The following PEX7 variants were observed in gnomAD, a reference collection of about 807,000 sequenced individuals.
PEX7 encodes the protein peroxisomal biogenesis factor 7.
A neutral mutation model predicts 47.5 loss-of-function variants in PEX7; 34 were observed. The observed-to-expected ratio is 0.72, with a 90% CI of 0.54 to 0.95. The LOEUF is 0.95. Ranked by LOEUF, PEX7 falls within the 40% of genes least tolerant of loss-of-function variation. The pLI, the probability that PEX7 is intolerant of heterozygous loss-of-function variation, is 0.00. For synonymous variants in PEX7, 141 were observed against 148.8 expected (o/e 0.95, Z 0.38); for missense variants, 394 against 400.3 (o/e 0.98, Z 0.13).
chr6:136,826,607 A>G (rs1392115455), intron 3 of PEX7, 138 bp downstream of exon 3: 5 of 996,086 alleles, frequency 5.0e-6, no homozygotes, highest in Non-Finnish European at 7.6e-6. Context: ...ACTAGATGTC[A>G]CTTATTATTT....
intron 9 of PEX7, among the ~76,000 whole-genome samples, chr6:136,904,663 C>CATGTAAGAT (rs1298852156): frequency 2.5e-4 from 38 of 149,938 alleles, no homozygotes; most frequent in African/African-American, 9.4e-4. Context: ...TGCTGCCATC[C>CATGTAAGAT]ATGTAAGATG....
intron 8 of PEX7, among the ~76,000 whole-genome samples, chr6:136,880,253 G>A (rs549878445): frequency 8.5e-5 from 13 of 152,230 alleles, no homozygotes; most frequent in African/African-American, 3.1e-4. Context: ...GGACAGGGTT[G>A]ATGGTTTGAG....
intron 3 of PEX7, among the ~76,000 whole-genome samples, chr6:136,831,811 C>T (rs1451272108): frequency 1.3e-5 from 2 of 152,250 alleles, no homozygotes; most frequent in Non-Finnish European, 2.9e-5. Context: ...ATCTCACATC[C>T]AAGGGGTAGG....
chr6:136,840,665 A>G (rs1450542985), intron 3 of PEX7, among the ~76,000 whole-genome samples: 2 of 152,230 alleles, frequency 1.3e-5, no homozygotes, highest in African/African-American at 2.4e-5. Flanking sequence ...TTATAATCTA[A>G]GTGGTAACTT....
chr6:136,902,378 TC>T, intron 9 of PEX7, among the ~76,000 whole-genome samples: 1 of 152,338 alleles, frequency 6.6e-6, no homozygotes, highest in East Asian at 1.9e-4. Flanking sequence ...TTTTAGCTTC[TC>T]CTTTCTTAGA....
intron 5 of PEX7, among the ~76,000 whole-genome samples, chr6:136,854,203 A>G (rs941085700): frequency 2.0e-5 from 3 of 151,884 alleles, no homozygotes. Context: ...TTATGTTTTT[A>G]TTATTATTAT....
chr6:136,823,890 CAA>C (rs954393146), intron 1 of PEX7, among the ~76,000 whole-genome samples: 6 of 151,708 alleles, frequency 4.0e-5, no homozygotes, highest in African/African-American at 1.5e-4. Flanking sequence ...AACTCCGTCT[CAA>C]AAAAAAGAGT....
At chr6:136,908,018 C>T (rs368108076) in intron 9 of PEX7, among the ~76,000 whole-genome samples, 15 of 152,136 alleles carry the variant, frequency 9.9e-5, no homozygotes, top group African/African-American at 3.6e-4. Context: ...AGCATTTAGT[C>T]CAGTATTTTG....
chr6:136,913,576 A>C lies in PEX7; in HGVS notation c.*50A>C. On this transcript the variant is annotated 3_prime_UTR_variant, in exon 10 of 10. Coordinates refer to ENST00000318471, the MANE Select transcript of PEX7 (RefSeq NM_000288.4). The stretch of plus-strand genomic sequence containing the variant: ...GAGGATGTTGGCTGAAGAACTGCCT[A>C]ACAGCAAATAAATTAACTATGGAAA... 8.9e-7 allele frequency: 1 copy of C among 1,119,410 alleles called. No individual in the cohort carries two copies. The highest frequency in any genetic ancestry group is 1.4e-6 in the Non-Finnish European group (1 of 729,494). The allele number at this position is 1,119,410 out of a possible 1,614,324, so 69.3% of individuals were successfully genotyped here.
At position 136,822,907 on chromosome 6, in the gene PEX7, C is replaced by T. The variant is rs1291519160; in HGVS notation, c.130+112C>T. On this transcript the variant is annotated intron_variant, in intron 1 of 9. Coordinates refer to ENST00000318471, the MANE Select transcript of PEX7 (RefSeq NM_000288.4). ...GCCCCTCTGAGCGTAGACGGTTCCGCGGGTCCACGCCAGGGGGCAGAAGAG... is the reference window on the plus strand; with the variant it reads ...GCCCCTCTGAGCGTAGACGGTTCCGTGGGTCCACGCCAGGGGGCAGAAGAG... 7 of 1,214,650 alleles carry T rather than the reference C, an allele frequency of 5.8e-6. No homozygotes were observed. In the East Asian group the frequency reaches 1.4e-4, roughly 25 times the overall value. 75.2% of individuals were successfully genotyped at this position (1,214,650 alleles called of 1,614,324 possible). A position where few individuals can be genotyped will look rare whatever the true frequency, so the allele number is the denominator to read the frequency against.
intron 3 of PEX7, among the ~76,000 whole-genome samples, chr6:136,839,425 T>C (rs1385208192): frequency 6.6e-6 from 1 of 152,210 alleles, no homozygotes; most frequent in East Asian, 1.9e-4. Flanking sequence ...TAATAAAATT[T>C]GTCCTCTCAA....
intron 9 of PEX7, among the ~76,000 whole-genome samples, chr6:136,912,115 T>G (rs1223700122): frequency 1.3e-5 from 2 of 152,220 alleles, no homozygotes; most frequent in African/African-American, 2.4e-5. Flanking sequence ...TTGAGTTGTA[T>G]TGGTTCTTTA....
chr6:136,850,906 C>G (rs922166045), intron 5 of PEX7, among the ~76,000 whole-genome samples: 1 of 99,500 alleles, frequency 1.0e-5, no homozygotes, highest in Non-Finnish European at 1.9e-5. Context: ...GCCCTCAGAT[C>G]AAAACTGATG....
intron 9 of PEX7, among the ~76,000 whole-genome samples, chr6:136,911,554 C>A (rs1458896399): frequency 6.6e-6 from 1 of 151,976 alleles, no homozygotes; most frequent in Non-Finnish European, 1.5e-5. Context: ...TACAGGTGCA[C>A]ACCACCACAC....
intron 8 of PEX7, among the ~76,000 whole-genome samples, chr6:136,889,515 A>T (rs1370166551): frequency 2.0e-5 from 3 of 152,212 alleles, no homozygotes; most frequent in African/African-American, 7.2e-5. Flanking sequence ...AGTATAAGTC[A>T]TTGCTTTGAA....
chr6:136,876,742 TG>T (rs1382525486), intron 8 of PEX7, among the ~76,000 whole-genome samples: 3 of 152,256 alleles, frequency 2.0e-5, no homozygotes, highest in African/African-American at 7.2e-5. Flanking sequence ...CTATCATTGA[TG>T]GGCATTTGGG....
intron 3 of PEX7, among the ~76,000 whole-genome samples, chr6:136,842,419 C>T (rs1774517904): frequency 6.6e-6 from 1 of 152,234 alleles, no homozygotes; most frequent in Non-Finnish European, 1.5e-5. Context: ...AGCAACAATG[C>T]CATCAGCATG....
intron 3 of PEX7, among the ~76,000 whole-genome samples, chr6:136,830,830 TTC>T (rs1007128013): frequency 6.6e-6 from 1 of 152,210 alleles, no homozygotes; most frequent in African/African-American, 2.4e-5. Flanking sequence ...TTAAAATTTG[TTC>T]TCATAGTCAA....
intron 8 of PEX7, among the ~76,000 whole-genome samples, chr6:136,874,089 C>T (rs1256860105): frequency 2.0e-5 from 3 of 152,132 alleles, no homozygotes; most frequent in African/African-American, 7.2e-5. Context: ...TTTCTTTTCT[C>T]GTTTTGTTTA....
Sources: gnomAD v4.1 joint callset for allele counts (sites outside exome capture counted in the v4.1 genomes callset) on GRCh38, gnomAD v4.1.1 for gene constraint, MANE v1.5 for transcripts, NCBI Gene and HGNC (gene_info 2026-07-23, HGNC 2026-07-21) for gene names.